NDUFV2: variants seen among roughly 807,000 people sequenced by gnomAD.
The protein encoded by NDUFV2 is NADH:ubiquinone oxidoreductase core subunit V2.
Under a neutral mutation model 31.6 loss-of-function variants are expected in NDUFV2, and 18 were observed. The observed-to-expected ratio is 0.57, with a 90% CI of 0.39 to 0.84. The LOEUF (loss-of-function observed/expected upper bound fraction) is 0.84. Ranked by LOEUF, NDUFV2 falls within the 40% of genes least tolerant of loss-of-function variation. NDUFV2 has a pLI of 0.00. For synonymous variants in NDUFV2, 83 were observed against 99.8 expected (o/e 0.83, Z 1.01); for missense variants, 314 against 303.6 (o/e 1.03, Z -0.26).
chr18:9,122,243 T>C (rs1446102329), intron 4 of NDUFV2, among the ~76,000 whole-genome samples: 1 of 152,184 alleles, frequency 6.6e-6, no homozygotes, highest in African/African-American at 2.4e-5. Flanking sequence ...AATATCCTTT[T>C]ACAGAGGTGA....
intron 6 of NDUFV2, among the ~76,000 whole-genome samples, chr18:9,125,231 G>A (rs753230852): frequency 2.6e-5 from 4 of 152,100 alleles, no homozygotes; most frequent in Non-Finnish European, 5.9e-5. Flanking sequence ...TAATCCTAGT[G>A]TAGCCAACTA....
chr18:9,121,347 A>G (rs887668580), intron 4 of NDUFV2: 2 of 152,112 alleles, frequency 1.3e-5, no homozygotes, highest in Admixed American at 1.3e-4. Context: ...TCTTTTCCTA[A>G]TTAGACAGTC....
At chr18:9,117,381 G>C (rs954178010) in intron 1 of NDUFV2, 1 of 155,972 alleles carries the variant, frequency 6.4e-6, no homozygotes, top group African/African-American at 2.4e-5. Flanking sequence ...TTTAGTAAAG[G>C]ATTGAAAAGG....
At chr18:9,131,241 G>A (rs144595137) in intron 7 of NDUFV2, among the ~76,000 whole-genome samples, 1 of 152,316 alleles carries the variant, frequency 6.6e-6, no homozygotes, top group African/African-American at 2.4e-5. Flanking sequence ...AGGAAGAGGA[G>A]GGGTTGGCCT....
intron 4 of NDUFV2, among the ~76,000 whole-genome samples, chr18:9,121,104 C>T (rs2144744559): frequency 6.6e-6 from 1 of 151,998 alleles, no homozygotes; most frequent in East Asian, 1.9e-4. Flanking sequence ...TATATATTGT[C>T]CTATTATATT....
intron 1 of NDUFV2, among the ~76,000 whole-genome samples, chr18:9,105,781 A>G (rs1418879123): frequency 1.3e-5 from 2 of 152,218 alleles, no homozygotes; most frequent in African/African-American, 4.8e-5. Context: ...AAGACAGGCA[A>G]TTGTAAGTCA....
At chr18:9,129,763 C>T (rs73390112) in intron 7 of NDUFV2, among the ~76,000 whole-genome samples, 1,577 of 152,206 alleles carry the variant, frequency 0.01, 36 homozygotes, top group African/African-American at 0.036. Context: ...AGCAAGAAAG[C>T]AGTGGAAGGG....
chr18:9,127,943 A>G (rs780769293), intron 7 of NDUFV2, among the ~76,000 whole-genome samples: 3 of 152,130 alleles, frequency 2.0e-5, no homozygotes, highest in Admixed American at 6.5e-5. Context: ...TCTGTTCACT[A>G]TTTATCCAGG....
intron 7 of NDUFV2, chr18:9,132,202 A>G (rs1243669899): frequency 6.6e-6 from 1 of 152,152 alleles, no homozygotes; most frequent in Non-Finnish European, 1.5e-5. Flanking sequence ...TAATCCTGTG[A>G]AGAACTCAGG....
intron 1 of NDUFV2, among the ~76,000 whole-genome samples, chr18:9,106,486 T>C (rs2077842684): frequency 6.6e-6 from 1 of 152,218 alleles, no homozygotes; most frequent in Admixed American, 6.5e-5. Flanking sequence ...TGTGTGGTGG[T>C]ACTTTTCCTT....
chr18:9,127,534 C>T (rs1457492914), intron 7 of NDUFV2, among the ~76,000 whole-genome samples: 1 of 152,148 alleles, frequency 6.6e-6, no homozygotes, highest in Non-Finnish European at 1.5e-5. Context: ...CGCAGTGGCA[C>T]AATCTCAGCT....
At chr18:9,106,179 A>G (rs1038917705) in intron 1 of NDUFV2, among the ~76,000 whole-genome samples, 12 of 152,210 alleles carry the variant, frequency 7.9e-5, no homozygotes, top group Non-Finnish European at 1.8e-4. Context: ...TACAGAATGT[A>G]TAGGGCTCCC....
intron 6 of NDUFV2, 115 bp from the exon 7 acceptor site, chr18:9,126,716 C>A: frequency 1.1e-6 from 1 of 904,420 alleles, no homozygotes; most frequent in Non-Finnish European, 1.8e-6. Flanking sequence ...AGGAGGATTG[C>A]TTAAGCCCAG....
At chr18:9,131,411 C>T (rs2078039287) in intron 7 of NDUFV2, among the ~76,000 whole-genome samples, 1 of 152,126 alleles carries the variant, frequency 6.6e-6, no homozygotes, top group South Asian at 2.1e-4. Context: ...ATTTAAAGTA[C>T]TGAAAAATTC....
In NDUFV2 at chr18:9,134,331, A is replaced by G. The variant is rs535129916; in HGVS notation, c.*52A>G. On this transcript the variant is annotated 3_prime_UTR_variant, in exon 8 of 8. Coordinates refer to ENST00000318388, the MANE Select transcript of NDUFV2 (RefSeq NM_021074.5). ...TAGAGAAATAAAATATGGACTTCCAATCTACGTAAACTTATTTGTTTATTC... is the reference window on the plus strand; with the variant it reads ...TAGAGAAATAAAATATGGACTTCCAGTCTACGTAAACTTATTTGTTTATTC... 2 of 1,340,190 alleles carry G rather than the reference A, an allele frequency of 1.5e-6. No individual in the cohort carries two copies. Among genetic ancestry groups the G allele is most frequent in the African/African-American group, 1.4e-5 (1 of 69,302 alleles). The allele number at this position is 1,340,190 out of a possible 1,614,324, so 83.0% of individuals were successfully genotyped here. A position where few individuals can be genotyped will look rare whatever the true frequency, so the allele number is the denominator to read the frequency against.
At chr18:9,104,890 T>C (rs2077833871) in intron 1 of NDUFV2, 2 of 1,480,988 alleles carry the variant, frequency 1.4e-6, no homozygotes, top group Non-Finnish European at 1.8e-6. Flanking sequence ...TCATCCATTG[T>C]CTTGTCAACC....
intron 1 of NDUFV2, among the ~76,000 whole-genome samples, chr18:9,114,541 AACTTT>A (rs1295713394): frequency 6.6e-6 from 1 of 151,342 alleles, no homozygotes; most frequent in Non-Finnish European, 1.5e-5. Context: ...CTTTCAGAGA[AACTTT>A]ACTTAAATCT....
At chr18:9,124,375 G>A (rs942582083) in intron 5 of NDUFV2, among the ~76,000 whole-genome samples, 22 of 151,138 alleles carry the variant, frequency 1.5e-4, no homozygotes, top group African/African-American at 5.1e-4. Context: ...CTCGCACCAC[G>A]GCCTCCCAAG....
chr18:9,106,718 T>C (rs2077843662), intron 1 of NDUFV2, among the ~76,000 whole-genome samples: 1 of 152,216 alleles, frequency 6.6e-6, no homozygotes, highest in African/African-American at 2.4e-5. Flanking sequence ...CTTACAGTTC[T>C]GTAGGTTAAA....
Sources: gnomAD v4.1 joint callset for allele counts (sites outside exome capture counted in the v4.1 genomes callset) on GRCh38, gnomAD v4.1.1 for gene constraint, MANE v1.5 for transcripts, NCBI Gene and HGNC (gene_info 2026-07-23, HGNC 2026-07-21) for gene names.